OR7C1: variants seen among roughly 807,000 people sequenced by gnomAD.
OR7C1 encodes the protein olfactory receptor family 7 subfamily C member 1, also known as olfactory receptor 7C1.
For synonymous variants in OR7C1, 152 were observed against 160.7 expected, an observed-to-expected ratio of 0.95 and a Z score of 0.41; for missense variants, 324 against 383.3, an observed-to-expected ratio of 0.85 and a Z score of 1.29.
At chr19:14,799,599 C>T in exon 5 of OR7C1, 2 of 1,613,930 alleles carry the variant, frequency 1.2e-6, no homozygotes, top group South Asian at 2.2e-5. Context: ...TCAAGTAGAT[C>T]ACAAAAAAAG....
intron 1 of OR7C1, chr19:14,821,384 G>T (rs965786546): frequency 2.0e-5 from 3 of 152,230 alleles, no homozygotes; most frequent in Non-Finnish European, 4.4e-5. Flanking sequence ...ATGGGCCCTG[G>T]AGTCCGGAGA....
chr19:14,819,041 C>A (rs8113234), intron 1 of OR7C1, among the ~76,000 whole-genome samples: 63 of 152,024 alleles, frequency 4.1e-4, no homozygotes, highest in South Asian at 8.3e-4. Context: ...TATATCTCCC[C>A]CCTCCCCCTG....
exon 5 of OR7C1, chr19:14,799,508 G>A (rs868654661): frequency 6.2e-7 from 1 of 1,614,122 alleles, no homozygotes; most frequent in Non-Finnish European, 8.5e-7. Context: ...TCCAGTGAAG[G>A]AAATCACACC....
chr19:14,833,465 C>T (rs1339809438), intron 1 of OR7C1, among the ~76,000 whole-genome samples: 2 of 152,106 alleles, frequency 1.3e-5, no homozygotes, highest in East Asian at 1.9e-4. Flanking sequence ...GTTGACAGGG[C>T]GAGACTCCGT....
chr19:14,826,996 A>G (rs898701450), intron 1 of OR7C1: 9 of 253,220 alleles, frequency 3.6e-5, no homozygotes, highest in African/African-American at 1.6e-4. Flanking sequence ...CAGGAGACAT[A>G]CAACTCTTCC....
chr19:14,827,266 G>A, intron 1 of OR7C1: 1 of 1,527,752 alleles, frequency 6.5e-7, no homozygotes, highest in Non-Finnish European at 8.8e-7. Flanking sequence ...TACCTCTGAA[G>A]CTTAGAGCCC....
At position 14,812,394 on chromosome 19, in the gene OR7C1, CA is replaced by C. The variant is rs201596929; in HGVS notation, c.-622-2402del. On this transcript the variant is annotated intron_variant, in intron 1 of 4. Coordinates refer to ENST00000641666, the Ensembl canonical transcript of OR7C1. ...TGGCCTAAACATAGTAGTTAAAAAT[CA>C]ACTCATGACTTAGAAACCGATGTTA... Among the ~76,000 whole-genome samples, 867 of 152,256 alleles carry C rather than the reference CA, an allele frequency of 5.7e-3. 6 individuals carry two copies. Among genetic ancestry groups the C allele is most frequent in the African/African-American group, 0.019 (810 of 41,564 alleles).
At chr19:14,828,289 A>G (rs2044795344) in intron 1 of OR7C1, 1 of 1,559,014 alleles carries the variant, frequency 6.4e-7, no homozygotes, top group East Asian at 2.3e-5. Context: ...GGGAAACGAG[A>G]CAGGCATGCA....
At chr19:14,799,666 C>G (rs550807149) in exon 5 of OR7C1, 1 of 1,614,080 alleles carries the variant, frequency 6.2e-7, no homozygotes, top group African/African-American at 1.3e-5. Flanking sequence ...AGGTCTCGAG[C>G]AGGGAACCCA....
chr19:14,803,300 A>C (rs183606224), intron 2 of OR7C1, among the ~76,000 whole-genome samples: 1 of 120,138 alleles, frequency 8.3e-6, no homozygotes. Context: ...GAGGGAGACT[A>C]TGTCTCCAAA....
intron 1 of OR7C1, among the ~76,000 whole-genome samples, chr19:14,828,758 CAAAAAAAAA>C (rs58983718): frequency 2.8e-5 from 1 of 35,152 alleles, no homozygotes; most frequent in African/African-American, 1.1e-4. Flanking sequence ...GACTCCATCT[CAAAAAAAAA>C]AAAAAAAAAA....
At chr19:14,801,289 C>G (rs984361115) in intron 2 of OR7C1, among the ~76,000 whole-genome samples, 2 of 152,190 alleles carry the variant, frequency 1.3e-5, no homozygotes, top group African/African-American at 4.8e-5. Context: ...TTGTTCTCAG[C>G]TATTCCAACC....
intron 1 of OR7C1, among the ~76,000 whole-genome samples, chr19:14,834,130 T>G (rs1376249993): frequency 1.3e-5 from 2 of 152,076 alleles, no homozygotes; most frequent in Non-Finnish European, 2.9e-5. Flanking sequence ...AGCATGGTGG[T>G]GCACACCAGT....
chr19:14,809,929 T>C (rs2044683049), exon 2 of OR7C1: 1 of 151,952 alleles, frequency 6.6e-6, no homozygotes, highest in Non-Finnish European at 1.5e-5. Context: ...CTGGAGTGGA[T>C]GGACATTTCA....
chr19:14,805,973 T>C (rs1043964480), intron 2 of OR7C1, among the ~76,000 whole-genome samples: 1 of 151,986 alleles, frequency 6.6e-6, no homozygotes, highest in Non-Finnish European at 1.5e-5. Flanking sequence ...GACCAGATGG[T>C]GACTTGTTAA....
intron 1 of OR7C1, among the ~76,000 whole-genome samples, chr19:14,814,804 C>T (rs1476569355): frequency 6.6e-6 from 1 of 152,188 alleles, no homozygotes; most frequent in Admixed American, 6.5e-5. Flanking sequence ...CACTTCCAGC[C>T]ATGACGGGAC....
At chr19:14,803,892 G>T (rs1366660514) in intron 2 of OR7C1, among the ~76,000 whole-genome samples, 1 of 151,894 alleles carries the variant, frequency 6.6e-6, no homozygotes, top group African/African-American at 2.4e-5. Flanking sequence ...TGTATTTTTA[G>T]TAGAGACGGG....
intron 1 of OR7C1, chr19:14,828,314 G>A: frequency 9.0e-6 from 13 of 1,437,188 alleles, no homozygotes; most frequent in Non-Finnish European, 1.2e-5. Context: ...TAACCTTTCA[G>A]AAATACCATC....
At chr19:14,808,438 C>T (rs1394845736) in intron 2 of OR7C1, among the ~76,000 whole-genome samples, 1 of 151,912 alleles carries the variant, frequency 6.6e-6, no homozygotes, top group Non-Finnish European at 1.5e-5. Context: ...ACTACTCAGC[C>T]ATAAAAAGAA....
Sources: allele counts gnomAD v4.1 joint callset (sites outside exome capture counted in the v4.1 genomes callset), GRCh38; gene constraint gnomAD v4.1.1; transcripts MANE v1.5; gene names NCBI Gene and HGNC (gene_info 2026-07-23, HGNC 2026-07-21).